Variants in OSBPL3 observed in about 807,000 individuals in gnomAD.
OSBPL3 encodes the protein oxysterol binding protein like 3, also known as oxysterol-binding protein-related protein 3.
OSBPL3 carries 65 observed loss-of-function variants against 120.1 expected under a neutral mutation model. The ratio of observed to expected loss-of-function variants is 0.54; its 90% CI spans 0.44 to 0.67. OSBPL3 has a LOEUF of 0.67. OSBPL3 is among the 30% of genes least tolerant of loss of function. The pLI, the probability that OSBPL3 is intolerant of heterozygous loss-of-function variation, is 0.00. For missense variants in OSBPL3, 1,004 were observed against 1,082.1 expected (o/e 0.93, Z 1.01); for synonymous variants, 416 against 402.6 (o/e 1.03, Z -0.40).
rs368984630 is a variant in OSBPL3, at chr7:24,870,817, A to G, written c.296T>C (p.Ile99Thr). Reference protein sequence around the residue: ...DIEREKLHGCIDVGLSVMSVK... With the variant: ...DIEREKLHGCTDVGLSVMSVK... The stretch of plus-strand genomic sequence containing the variant: ...AGACATCACTGAGAGCCCGACATCA[A>G]TGCAGCCATGCAGCTTCTCTCTCTC... Residue 99 changes from isoleucine to threonine, a missense_variant, in exon 5 of 23, where the codon ATT (isoleucine) becomes ACT (threonine). Ile to Thr is a moderately conservative substitution (Grantham distance 89). This residue lies in a region of OSBPL3 where 255 missense variants were observed against 248.7 expected (regional missense o/e 1.03). Coordinates refer to ENST00000313367, the MANE Select transcript of OSBPL3 (RefSeq NM_015550.4). The G allele has an allele frequency of 4.3e-6, 7 of 1,613,384 alleles. No homozygotes were observed. The highest frequency in any genetic ancestry group is 1.3e-5 in the African/African-American group (1 of 74,922).
At chr7:24,865,008 T>C (rs1801104035) in intron 7 of OSBPL3, among the ~76,000 whole-genome samples, 1 of 151,708 alleles carries the variant, frequency 6.6e-6, no homozygotes. Context: ...CTCCCTCACC[T>C]CTAGCACAAT....
chr7:24,923,626 TAC>T (rs1446562052), intron 1 of OSBPL3, among the ~76,000 whole-genome samples: 3 of 152,002 alleles, frequency 2.0e-5, no homozygotes, highest in Non-Finnish European at 2.9e-5. Context: ...CCCAGAGAAA[TAC>T]AGAGTGTGAG....
intron 1 of OSBPL3, among the ~76,000 whole-genome samples, chr7:24,915,854 C>T (rs774288982): frequency 1.6e-4 from 25 of 152,078 alleles, no homozygotes; most frequent in South Asian, 4.1e-4. Flanking sequence ...GGATTACAGG[C>T]GTGAGCCACC....
rs1269868558 is a variant in OSBPL3 at position 24,896,177 on chromosome 7, T to C, written c.-149-3556A>G. Among the ~76,000 whole-genome samples the C allele has an allele frequency of 6.6e-6, 1 of 152,228 alleles. No individual in the cohort carries two copies. The highest frequency in any genetic ancestry group is 2.4e-5 in the African/African-American group (1 of 41,456). ...GACAGAATTCGGTTTGGGATCTGCT[T>C]TTGTTTCAACAAACCACCTGGTGGT... is the stretch of plus-strand genomic sequence containing the variant. On this transcript the variant is annotated intron_variant, in intron 1 of 22. Transcript: ENST00000313367. This position sits in a 1 kb window ranked among gnomAD's most constrained non-coding sequence, Gnocchi z 4.4.
chr7:24,814,980 C>T (rs764151276), intron 19 of OSBPL3, 79 bp downstream of exon 19: 10 of 1,420,122 alleles, frequency 7.0e-6, no homozygotes, highest in Non-Finnish European at 9.8e-6. Flanking sequence ...CGAAAAATCT[C>T]TCAAATGCCC....
chr7:24,811,058 C>T (rs573989388), intron 19 of OSBPL3, among the ~76,000 whole-genome samples: 14 of 152,316 alleles, frequency 9.2e-5, no homozygotes, highest in African/African-American at 3.4e-4. Flanking sequence ...GTGGGATTGG[C>T]AGATCATATG....
At chr7:24,829,493 A>T (rs1796113643) in intron 16 of OSBPL3, among the ~76,000 whole-genome samples, 1 of 152,150 alleles carries the variant, frequency 6.6e-6, no homozygotes, top group African/African-American at 2.4e-5. Context: ...CTCTCAGCCA[A>T]CCCACGCTTC....
rs555741657 is a variant in OSBPL3, at chr7:24,947,333, T to G, written c.-150+32553A>C. On this transcript the variant is annotated intron_variant, in intron 1 of 22. Transcript: ENST00000313367. The surrounding 1 kb of genome is among the most constrained non-coding windows in gnomAD (Gnocchi z 4.4). ...CATAGAAAAAAAGACAGCTAGGAAA[T>G]TCTCTGAATAAAGCTCTTCCAGGTA... 6.6e-6 allele frequency among the ~76,000 whole-genome samples: 1 copy of G among 152,272 alleles called. No homozygotes were observed. The highest frequency in any genetic ancestry group is 1.9e-4 in the East Asian group (1 of 5,178).
intron 20 of OSBPL3, among the ~76,000 whole-genome samples, chr7:24,809,399 T>C (rs543214068): frequency 2.0e-5 from 3 of 152,218 alleles, no homozygotes; most frequent in African/African-American, 7.2e-5. Context: ...AGCCTGGGGA[T>C]AGTTAACATT....
At chr7:24,836,844 AT>A (rs1295583444) in intron 14 of OSBPL3, among the ~76,000 whole-genome samples, 2 of 151,730 alleles carry the variant, frequency 1.3e-5, no homozygotes, top group African/African-American at 2.4e-5. Context: ...TTTAAAATTA[AT>A]TTTTTTTGAG....
intron 1 of OSBPL3, among the ~76,000 whole-genome samples, chr7:24,949,922 G>C (rs968556155): frequency 2.0e-5 from 3 of 152,126 alleles, no homozygotes; most frequent in African/African-American, 7.2e-5. Flanking sequence ...CTGCTTTCAT[G>C]GGCCCCAAAC....
At chr7:24,870,872 G>C (rs1240202976) in intron 4 of OSBPL3, 27 bp from the exon 5 acceptor site, 1 of 1,436,028 alleles carries the variant, frequency 7.0e-7, no homozygotes, top group African/African-American at 1.4e-5. Context: ...AGGGTCACTT[G>C]GGGACCATGG....
intron 1 of OSBPL3, among the ~76,000 whole-genome samples, chr7:24,929,308 A>G (rs539214697): frequency 1.3e-5 from 2 of 152,324 alleles, no homozygotes; most frequent in East Asian, 1.9e-4. Context: ...TCGCTGGATC[A>G]GGGTCGTTGT....
intron 12 of OSBPL3, among the ~76,000 whole-genome samples, chr7:24,844,924 G>A (rs1798220461): frequency 6.6e-6 from 1 of 151,980 alleles, no homozygotes; most frequent in Admixed American, 6.6e-5. Flanking sequence ...TATTTTCCCA[G>A]ACCATTCAAA....
In OSBPL3 at chr7:24,862,372, A is replaced by G. The variant is rs1428742840; in HGVS notation, c.871-603T>C. ...CTAAAGCTGCCAGGCTTTCTCATTT[A>G]TACTCAATTCCTTCCTCCTGGCAAT... On this transcript the variant is annotated intron_variant, in intron 9 of 22. Coordinates refer to ENST00000313367, the MANE Select transcript of OSBPL3 (RefSeq NM_015550.4). This position sits in a 1 kb window ranked among gnomAD's most constrained non-coding sequence, Gnocchi z 4.4. Among the ~76,000 whole-genome samples, 1 of 152,242 alleles carries G rather than the reference A, an allele frequency of 6.6e-6. No homozygotes were observed. Among genetic ancestry groups the G allele is most frequent in the Non-Finnish European group, 1.5e-5 (1 of 68,042 alleles).
chr7:24,914,831 G>C (rs550942394), intron 1 of OSBPL3, among the ~76,000 whole-genome samples: 1 of 152,286 alleles, frequency 6.6e-6, no homozygotes, highest in Non-Finnish European at 1.5e-5. Flanking sequence ...ACTACAAACT[G>C]TGTCACCACA....
rs76437330 is a variant in OSBPL3, at chr7:24,896,158, A to G, written c.-149-3537T>C. ...ATGTCAGTGTTTGATGTGTGACAGA[A>G]TTCGGTTTGGGATCTGCTTTTGTTT... On this transcript the variant is annotated intron_variant, in intron 1 of 22. Coordinates refer to ENST00000313367, the MANE Select transcript of OSBPL3 (RefSeq NM_015550.4). This position sits in a 1 kb window ranked among gnomAD's most constrained non-coding sequence, Gnocchi z 4.4. 8.0e-3 allele frequency among the ~76,000 whole-genome samples: 1,225 copies of G among 152,318 alleles called. 10 individuals carry two copies. Among genetic ancestry groups the G allele is most frequent in the African/African-American group, 0.027 (1,139 of 41,550 alleles).
chr7:24,924,441 C>T (rs1258129917), intron 1 of OSBPL3, among the ~76,000 whole-genome samples: 2 of 152,164 alleles, frequency 1.3e-5, no homozygotes, highest in African/African-American at 2.4e-5. Flanking sequence ...AAGAGTCTAA[C>T]TCCGATACAC....
rs1324982883 is a variant in OSBPL3, at chr7:24,863,111, C to A, written c.870+89G>T. 12 of 864,756 alleles carry A rather than the reference C, an allele frequency of 1.4e-5. No homozygotes were observed. Among genetic ancestry groups the A allele is most frequent in the Non-Finnish European group, 2.4e-5 (12 of 501,850 alleles). 53.6% of individuals were successfully genotyped at this position (864,756 alleles called of 1,614,324 possible). ...ACTACAGAATATTCACTCATCTATT[C>A]TCCTAGCTGAGTCAAGGTAGCTGCT... On this transcript the variant is annotated intron_variant, in intron 9 of 22. Coordinates refer to ENST00000313367, the MANE Select transcript of OSBPL3 (RefSeq NM_015550.4). This position sits in a 1 kb window ranked among gnomAD's most constrained non-coding sequence, Gnocchi z 5.8.
Sources: gnomAD v4.1 joint callset for allele counts (sites outside exome capture counted in the v4.1 genomes callset) on GRCh38, gnomAD v4.1.1 for gene constraint, gnomAD v4.1.1 regional missense constraint, Gnocchi (gnomAD v3.1) non-coding constraint, MANE v1.5 for transcripts, NCBI Gene and HGNC (gene_info 2026-07-23, HGNC 2026-07-21) for gene names.